HAUS2: variants seen among roughly 807,000 people sequenced by gnomAD.
HAUS2 encodes the protein HAUS augmin like complex subunit 2, also known as HAUS augmin-like complex subunit 2.
Under a neutral mutation model 21.6 loss-of-function variants are expected in HAUS2, and 20 were observed. That is an observed-to-expected ratio of 0.93 (90% CI 0.65 to 1.35). HAUS2 has a LOEUF of 1.35. Among genes scored for constraint, HAUS2 ranks in the 40% most tolerant of loss-of-function variants. HAUS2 has a pLI of 0.00. For missense variants in HAUS2, 297 were observed against 280.7 expected, an observed-to-expected ratio of 1.06 and a Z score of -0.42; for synonymous variants, 113 against 95.6, an observed-to-expected ratio of 1.18 and a Z score of -1.06.
intron 1 of HAUS2, among the ~76,000 whole-genome samples, chr15:42,557,054 C>T (rs2057785347): frequency 6.6e-6 from 1 of 150,782 alleles, no homozygotes; most frequent in Non-Finnish European, 1.5e-5. Context: ...GTGGCTCACG[C>T]CTGTAATCGC....
chr15:42,551,114 G>C (rs536272787), intron 1 of HAUS2, among the ~76,000 whole-genome samples: 1 of 150,204 alleles, frequency 6.7e-6, no homozygotes, highest in Non-Finnish European at 1.5e-5. Context: ...TCGTGCTCCC[G>C]AGTAGCTGGG....
In HAUS2 at chr15:42,569,333, T is replaced by G. The variant is rs2057938466; in HGVS notation, c.*2517T>G. 6.9e-6 allele frequency: 1 copy of G among 145,606 alleles called. No individual in the cohort carries two copies. Among genetic ancestry groups the G allele is most frequent in the Admixed American group, 7.0e-5 (1 of 14,248 alleles). The allele number at this position is 145,606 out of a possible 1,614,324, so 9.0% of individuals were successfully genotyped here. A position where few individuals can be genotyped will look rare whatever the true frequency, so the allele number is the denominator to read the frequency against. ...TTTTTTTTTAAAGACAGGATCTCACTCTGTCACCCAGGTTGCTGAGAGTGT... is the reference window on the plus strand; with the variant it reads ...TTTTTTTTTAAAGACAGGATCTCACGCTGTCACCCAGGTTGCTGAGAGTGT... On this transcript the variant is annotated 3_prime_UTR_variant, in exon 6 of 6. Transcript: ENST00000260372.
chr15:42,559,136 C>CT (rs370146156), intron 2 of HAUS2, among the ~76,000 whole-genome samples: 2,312 of 138,268 alleles, frequency 0.017, 39 homozygotes, highest in East Asian at 0.056. Context: ...CCCCTGGACT[C>CT]TTTTTTTTTT....
intron 1 of HAUS2, among the ~76,000 whole-genome samples, chr15:42,555,828 G>C (rs895253913): frequency 6.6e-6 from 1 of 152,166 alleles, no homozygotes; most frequent in Non-Finnish European, 1.5e-5. Flanking sequence ...GGGCCATATG[G>C]TTGCAGCTAC....
intron 4 of HAUS2, among the ~76,000 whole-genome samples, chr15:42,562,451 T>C (rs533383725): frequency 6.6e-6 from 1 of 152,236 alleles, no homozygotes; most frequent in South Asian, 2.1e-4. Flanking sequence ...CGAAATATGC[T>C]GGGCATGGTG....
intron 5 of HAUS2, among the ~76,000 whole-genome samples, 158 bp from the exon 6 acceptor site, chr15:42,566,449 G>A (rs2057908004): frequency 6.6e-6 from 1 of 152,174 alleles, no homozygotes; most frequent in Non-Finnish European, 1.5e-5. Context: ...ACAAAGAGTA[G>A]GTTTGTACTG....
chr15:42,566,702 G>A lies in HAUS2; in HGVS notation c.594G>A (p.Ser198=), dbSNP rs377486127. 6.0e-5 allele frequency: 96 copies of A among 1,588,256 alleles called. No individual in the cohort carries two copies. The highest frequency in any genetic ancestry group is 7.9e-5 in the Non-Finnish European group (91 of 1,156,614). ...LKWRKQQNEV[S]SCIPKILAEE... ...GGCGTAAACAACAAAACGAAGTTTC[G>A]TCTTGTATCCCCAAAATATTAGCTG... is the stretch of plus-strand genomic sequence containing the variant. The change falls in exon 6 of 6, where the codon TCG becomes TCA. Residue 198 remains serine (S), a synonymous_variant. Transcript: ENST00000260372.
At chr15:42,556,044 T>C (rs1286322209) in intron 1 of HAUS2, among the ~76,000 whole-genome samples, 2 of 151,788 alleles carry the variant, frequency 1.3e-5, no homozygotes, top group South Asian at 4.2e-4. Flanking sequence ...CCTCCCAGGT[T>C]CAAGCAATTC....
chr15:42,560,412 A>G (rs1046059363), intron 3 of HAUS2, among the ~76,000 whole-genome samples: 2 of 150,378 alleles, frequency 1.3e-5, no homozygotes, highest in South Asian at 2.1e-4. Flanking sequence ...GAGAGAGAGA[A>G]GAGAGAGAAA....
At chr15:42,565,754 A>T (rs1386336375) in intron 5 of HAUS2, among the ~76,000 whole-genome samples, 1 of 152,210 alleles carries the variant, frequency 6.6e-6, no homozygotes, top group Admixed American at 6.5e-5. Context: ...CAGATAAAAG[A>T]TTTAAAGCAT....
At chr15:42,565,239 C>A (rs941768124) in intron 5 of HAUS2, among the ~76,000 whole-genome samples, 2 of 152,102 alleles carry the variant, frequency 1.3e-5, no homozygotes, top group African/African-American at 4.8e-5. Context: ...AGTCAAAGAA[C>A]CCAGAGAGTA....
intron 1 of HAUS2, among the ~76,000 whole-genome samples, chr15:42,554,474 TTTTG>T (rs1435692146): frequency 1.3e-5 from 2 of 151,348 alleles, no homozygotes; most frequent in African/African-American, 4.9e-5. Flanking sequence ...AGTGTTTTTA[TTTTG>T]TTTGTTTTGT....
chr15:42,550,171 G>A (rs982425059), intron 1 of HAUS2, among the ~76,000 whole-genome samples: 4 of 151,934 alleles, frequency 2.6e-5, no homozygotes, highest in Admixed American at 1.3e-4. Flanking sequence ...GACCACATGG[G>A]TCCTGGAGGC....
At chr15:42,564,477 C>T (rs533532975) in intron 5 of HAUS2, among the ~76,000 whole-genome samples, 51 of 152,140 alleles carry the variant, frequency 3.4e-4, no homozygotes, top group African/African-American at 1.0e-3. Context: ...AAATTCTCAA[C>T]GTTTGGTGAG....
At chr15:42,557,937 A>G (rs1272098771) in intron 1 of HAUS2, among the ~76,000 whole-genome samples, 3 of 152,128 alleles carry the variant, frequency 2.0e-5, no homozygotes, top group Admixed American at 6.6e-5. Context: ...TCTATTTTGT[A>G]TGGTACCTTA....
Position 42,566,630 on chromosome 15 carries a change from T to C in HAUS2, c.522T>C (p.Asp174=), listed in dbSNP as rs2057909681. Residue 174 remains aspartate, a synonymous_variant, in exon 6 of 6, where the codon GAT becomes GAC. Coordinates refer to ENST00000260372, the MANE Select transcript of HAUS2 (RefSeq NM_018097.3). ...AGAACCAGGCTTTAGCAAAGATGGATATATTGGTGACTGAGACAGAAGAAC... is the reference window on the plus strand; with the variant it reads ...AGAACCAGGCTTTAGCAAAGATGGACATATTGGTGACTGAGACAGAAGAAC... ...KKMNQALAKM[D]ILVTETEELA... The C allele has an allele frequency of 6.2e-7, 1 of 1,600,500 alleles. No homozygotes were observed. The highest frequency in any genetic ancestry group is 2.2e-5 in the East Asian group (1 of 44,748).
chr15:42,558,323 T>C lies in HAUS2; in HGVS notation c.186+33T>C, dbSNP rs767977743. The C allele has an allele frequency of 4.1e-5, 33 of 796,036 alleles. No individual in the cohort carries two copies. In the East Asian group the frequency reaches 6.9e-4, roughly 17 times the overall value. 49.3% of individuals were successfully genotyped at this position (796,036 alleles called of 1,614,324 possible). On this transcript the variant is annotated intron_variant, in intron 2 of 5. Coordinates refer to ENST00000260372, the MANE Select transcript of HAUS2 (RefSeq NM_018097.3). ...ATTTTGTTTTCACTTTCTTTTTTTT[T>C]TTTTTTTTTTTTTTTGAGACGGAGT...
Position 42,568,060 on chromosome 15 carries a change from G to C in HAUS2, c.*1244G>C, listed in dbSNP as rs1302720022. 1 of 151,020 alleles carries C rather than the reference G, an allele frequency of 6.6e-6. No individual in the cohort carries two copies. Among genetic ancestry groups the C allele is most frequent in the East Asian group, 1.9e-4 (1 of 5,164 alleles). The allele number at this position is 151,020 out of a possible 1,614,324, so 9.4% of individuals were successfully genotyped here. ...GTTTCTGAATTAGAAGGGTCTTCTT[G>C]AATCTGAAAATGTCTATGATGATTA... On this transcript the variant is annotated 3_prime_UTR_variant, in exon 6 of 6. Coordinates refer to ENST00000260372, the MANE Select transcript of HAUS2 (RefSeq NM_018097.3).
chr15:42,566,764 C>T lies in HAUS2; in HGVS notation c.656C>T (p.Pro219Leu), dbSNP rs752849801. The change falls in exon 6 of 6, where the codon CCT (proline) becomes CTT (leucine). Residue 219 changes from proline to leucine, a missense_variant. Physicochemically the swap from Pro to Leu is moderately conservative, Grantham distance 98. Transcript: ENST00000260372. ...SYLYKHDIIM[P>L]PLPFTSKVHV... is the part of the protein sequence containing the mutation. ...CTTTATAAACATGATATTATAATGC[C>T]TCCTTTACCTTTTACTTCTAAAGTT... The T allele has an allele frequency of 6.4e-7, 1 of 1,556,894 alleles. No homozygotes were observed. The highest frequency in any genetic ancestry group is 1.1e-5 in the South Asian group (1 of 89,812).
Sources: allele counts gnomAD v4.1 joint callset (sites outside exome capture counted in the v4.1 genomes callset), GRCh38; gene constraint gnomAD v4.1.1; transcripts MANE v1.5; gene names NCBI Gene and HGNC (gene_info 2026-07-23, HGNC 2026-07-21).